The following FBLN7 variants were observed in gnomAD, a reference collection of about 807,000 sequenced individuals.
The protein encoded by FBLN7 is fibulin-7.
A neutral mutation model predicts 44.0 loss-of-function variants in FBLN7; 31 were observed. The observed-to-expected ratio is 0.70, with a 90% CI of 0.53 to 0.95. FBLN7 has a LOEUF of 0.95. FBLN7 is among the 40% of genes least tolerant of loss of function. FBLN7 has a pLI of 0.00. For synonymous variants in FBLN7, 262 were observed against 253.4 expected, an observed-to-expected ratio of 1.03 and a Z score of -0.32; for missense variants, 573 against 618.5, an observed-to-expected ratio of 0.93 and a Z score of 0.78.
downstream of FBLN7, among the ~76,000 whole-genome samples, chr2:112,191,200 G>A (rs55977209): frequency 0.051 from 7,775 of 152,162 alleles, 267 homozygotes; most frequent in Non-Finnish European, 0.078. Flanking sequence ...TTTTGAGACA[G>A]AGTCCAGCTC....
At chr2:112,205,872 T>C in the FBLN7 span, among the ~76,000 whole-genome samples, 2 of 152,222 alleles carry the variant, frequency 1.3e-5, no homozygotes, top group African/African-American at 4.8e-5. Context: ...TTGGGGATTT[T>C]TATGGGAGTT....
Position 112,181,726 on chromosome 2 carries a change from C to G in FBLN7, c.533-13C>G. 2.9e-6 allele frequency: 4 copies of G among 1,376,954 alleles called. No individual in the cohort carries two copies. Among genetic ancestry groups the G allele is most frequent in the Non-Finnish European group, 3.7e-6 (4 of 1,073,384 alleles). 85.3% of individuals were successfully genotyped at this position (1,376,954 alleles called of 1,614,324 possible). On this transcript the variant is annotated splice_polypyrimidine_tract_variant and intron_variant, in intron 4 of 7. Coordinates refer to ENST00000331203, the MANE Select transcript of FBLN7 (RefSeq NM_153214.3). Reference sequence around the variant, plus strand: ...CGCCAGGGCCCGGCACTGAGCGTGTCTTCTCCCCGCAGCCGCCCCCGAGGG... The same window carrying G: ...CGCCAGGGCCCGGCACTGAGCGTGTGTTCTCCCCGCAGCCGCCCCCGAGGG...
At chr2:112,167,372 A>G (rs957788746) in intron 3 of FBLN7, among the ~76,000 whole-genome samples, 8 of 151,724 alleles carry the variant, frequency 5.3e-5, no homozygotes, top group African/African-American at 1.9e-4. Flanking sequence ...CGCTCCCCAC[A>G]GTCCATCTCC....
chr2:112,241,140 T>C, the FBLN7 span, among the ~76,000 whole-genome samples: 1 of 152,040 alleles, frequency 6.6e-6, no homozygotes, highest in Non-Finnish European at 1.5e-5. Flanking sequence ...GAAATGGGGC[T>C]ATAAATGAGA....
intron 4 of FBLN7, chr2:112,177,965 C>G (rs1682807650): frequency 6.6e-6 from 1 of 151,748 alleles, no homozygotes; most frequent in East Asian, 1.9e-4. Flanking sequence ...GAGTTTGAGA[C>G]CAGCCTGGCC....
intron 7 of FBLN7, among the ~76,000 whole-genome samples, chr2:112,185,814 T>C (rs1262635408): frequency 1.3e-5 from 2 of 151,782 alleles, no homozygotes; most frequent in African/African-American, 4.8e-5. Flanking sequence ...GCTTTTCCAA[T>C]AGTACTAGAA....
At chr2:112,181,939 G>C (rs1370357167) in intron 5 of FBLN7, 63 bp downstream of exon 5, 3 of 1,491,818 alleles carry the variant, frequency 2.0e-6, no homozygotes, top group Non-Finnish European at 2.7e-6. Flanking sequence ...CGGGGAAGGG[G>C]CTCTCACCCA....
intron 1 of FBLN7, among the ~76,000 whole-genome samples, chr2:112,158,177 G>T (rs2872109): frequency 0.28 from 42,293 of 151,890 alleles, 6,975 homozygotes; most frequent in Middle Eastern, 0.52. Context: ...GATTACAGGC[G>T]TGAGCCACCG....
At chr2:112,195,552 A>G in the FBLN7 span, among the ~76,000 whole-genome samples, 1 of 152,156 alleles carries the variant, frequency 6.6e-6, no homozygotes, top group Non-Finnish European at 1.5e-5. Context: ...CCATTCCTTC[A>G]TTCCTGTCCA....
intron 7 of FBLN7, 100 bp downstream of exon 7, chr2:112,185,439 T>C (rs1450157364): frequency 2.1e-6 from 3 of 1,458,532 alleles, no homozygotes; most frequent in East Asian, 2.4e-5. Context: ...AGTTATACCA[T>C]AGAAAGATGA....
chr2:112,224,258 G>T, the FBLN7 span, among the ~76,000 whole-genome samples: 1 of 152,144 alleles, frequency 6.6e-6, no homozygotes, highest in Non-Finnish European at 1.5e-5. Context: ...TAAATGCATA[G>T]ATATAATCTG....
the FBLN7 span, among the ~76,000 whole-genome samples, chr2:112,196,108 AG>A: frequency 2.6e-5 from 4 of 152,236 alleles, no homozygotes; most frequent in Admixed American, 6.5e-5. Context: ...CAGGTGTCTG[AG>A]TGATCACAGT....
intron 3 of FBLN7, among the ~76,000 whole-genome samples, chr2:112,167,130 C>T (rs1377185654): frequency 2.0e-5 from 3 of 152,202 alleles, no homozygotes; most frequent in Admixed American, 6.5e-5. Flanking sequence ...TATGTGTGTG[C>T]TGTTTTTTCT....
intron 2 of FBLN7, among the ~76,000 whole-genome samples, chr2:112,160,778 A>ACACACG (rs1681794210): frequency 2.1e-5 from 3 of 143,266 alleles, no homozygotes; most frequent in Admixed American, 6.9e-5. Context: ...ACGCAGACGC[A>ACACACG]CACGCACGCA....
intron 1 of FBLN7, among the ~76,000 whole-genome samples, chr2:112,155,420 G>A (rs896443575): frequency 6.6e-6 from 1 of 152,156 alleles, no homozygotes; most frequent in African/African-American, 2.4e-5. Flanking sequence ...TCTGCTTCTC[G>A]GGCTCCCTGG....
At chr2:112,230,854 G>A in the FBLN7 span, 1 of 1,216,528 alleles carries the variant, frequency 8.2e-7, no homozygotes. Flanking sequence ...GCCAACTTCT[G>A]GAGATGTTCA....
the FBLN7 span, among the ~76,000 whole-genome samples, chr2:112,218,205 A>G: frequency 6.6e-6 from 1 of 152,340 alleles, no homozygotes; most frequent in South Asian, 2.1e-4. Context: ...TATTGAAAAG[A>G]CTGTATATGA....
chr2:112,148,174 A>G (rs1232505300), intron 1 of FBLN7, among the ~76,000 whole-genome samples: 2 of 152,162 alleles, frequency 1.3e-5, no homozygotes, highest in Admixed American at 1.3e-4. Context: ...TCAGCCCATC[A>G]GTGTCAATTT....
At chr2:112,213,392 C>T in the FBLN7 span, 3 of 152,154 alleles carry the variant, frequency 2.0e-5, no homozygotes, top group East Asian at 3.9e-4. Context: ...TTTAACATCT[C>T]GGGGTCTGAA....
Sources: gnomAD v4.1 joint callset for allele counts (sites outside exome capture counted in the v4.1 genomes callset) on GRCh38, gnomAD v4.1.1 for gene constraint, MANE v1.5 for transcripts, NCBI Gene and HGNC (gene_info 2026-07-23, HGNC 2026-07-21) for gene names.